Variants in ASB18 observed in about 807,000 individuals in gnomAD.
ASB18 encodes ankyrin repeat and SOCS box containing 18, also known as ankyrin repeat and SOCS box protein 18.
ASB18 carries 33 observed loss-of-function variants against 33.4 expected under a neutral mutation model. That is an observed-to-expected ratio of 0.99 (90% CI 0.75 to 1.32). The LOEUF (loss-of-function observed/expected upper bound fraction) is 1.32, where lower values mean the gene tolerates loss of function less well. Among genes scored for constraint, ASB18 ranks in the 40% most tolerant of loss-of-function variants. ASB18 has a pLI of 0.00. For missense variants in ASB18, 694 were observed against 655.5 expected (o/e 1.06, Z -0.64); for synonymous variants, 295 against 307.6 (o/e 0.96, Z 0.43).
chr2:236,210,131 C>A (rs1250993840), intron 4 of ASB18, among the ~76,000 whole-genome samples: 5 of 152,194 alleles, frequency 3.3e-5, no homozygotes, highest in African/African-American at 1.2e-4. Flanking sequence ...ACGTGACAGG[C>A]AGCTCCACCA....
rs981293112 is a variant in ASB18 at position 236,249,909 on chromosome 2, A to G, written c.206-8507T>C. On this transcript the variant is annotated intron_variant, in intron 1 of 5. Transcript: ENST00000409749. The surrounding 1 kb of genome is among the most constrained non-coding windows in gnomAD (Gnocchi z 4.6). The stretch of plus-strand genomic sequence containing the variant: ...TATACTTTTGCAAAGAATATTTTGG[A>G]GACTTAAATAATAAGCATGATGTTT... The G allele has an allele frequency of 1.3e-5, 2 of 152,216 alleles. No homozygotes were observed. The highest frequency in any genetic ancestry group is 2.4e-5 in the African/African-American group (1 of 41,462). 9.4% of individuals were successfully genotyped at this position (152,216 alleles called of 1,614,324 possible).
chr2:236,200,885 A>C lies in ASB18; in HGVS notation c.1102-4500T>G, dbSNP rs1322857307. 1.3e-5 allele frequency among the ~76,000 whole-genome samples: 2 copies of C among 152,080 alleles called. No homozygotes were observed. Among genetic ancestry groups the C allele is most frequent in the African/African-American group, 4.8e-5 (2 of 41,392 alleles). ...GGATTTTGTTGATCAGTTCTCTTTTAAAATATTATAACCCATTAATTTTTG... is the reference window on the plus strand; with the variant it reads ...GGATTTTGTTGATCAGTTCTCTTTTCAAATATTATAACCCATTAATTTTTG... On this transcript the variant is annotated intron_variant, in intron 4 of 5. Transcript: ENST00000409749. The surrounding 1 kb of genome is among the most constrained non-coding windows in gnomAD (Gnocchi z 4.2).
At chr2:236,201,326 A>AT (rs921938859) in intron 4 of ASB18, among the ~76,000 whole-genome samples, 5 of 151,862 alleles carry the variant, frequency 3.3e-5, no homozygotes, top group African/African-American at 1.2e-4. Context: ...TAATTTAAAA[A>AT]TTTTTTTTGT....
In ASB18 at chr2:236,196,425, G is replaced by T. The variant is rs1356040084; in HGVS notation, c.1102-40C>A. 1 of 1,191,446 alleles carries T rather than the reference G, an allele frequency of 8.4e-7. No homozygotes were observed. The highest frequency in any genetic ancestry group is 1.2e-6 in the Non-Finnish European group (1 of 820,322). 73.8% of individuals were successfully genotyped at this position (1,191,446 alleles called of 1,614,324 possible). A position where few individuals can be genotyped will look rare whatever the true frequency, so the allele number is the denominator to read the frequency against. ...TGAAAGACGCAGCGTAGGCCGACTG[G>T]GTTCTGGGTCTCAGTGGGGAAAGGG... On this transcript the variant is annotated intron_variant, in intron 4 of 5. Transcript: ENST00000409749. This position sits in a 1 kb window ranked among gnomAD's most constrained non-coding sequence, Gnocchi z 5.6.
chr2:236,252,583 C>G lies in ASB18; in HGVS notation c.206-11181G>C, dbSNP rs1237176590. 6.6e-6 allele frequency among the ~76,000 whole-genome samples: 1 copy of G among 152,110 alleles called. No homozygotes were observed. The highest frequency in any genetic ancestry group is 1.5e-5 in the Non-Finnish European group (1 of 68,020). The stretch of plus-strand genomic sequence containing the variant: ...CCTCTTGATCTATTGTTGCGGGGAG[C>G]TATACCCTATGTTCTGGCCTGAGCA... On this transcript the variant is annotated intron_variant, in intron 1 of 5. Transcript: ENST00000409749. The surrounding 1 kb of genome is among the most constrained non-coding windows in gnomAD (Gnocchi z 7.9).
rs755268582 is a variant in ASB18, at chr2:236,241,325, C to T, written c.283G>A (p.Glu95Lys). ...GGAGATTTCACCTGCCATTCCATCT[C>T]ATCCTTATTGATCTCAAACACCACG... The part of the protein sequence containing the change: ...ANVVFEINKD[E>K]MEWQVKSPAT... Residue 95 changes from glutamate (E) to lysine (K), a missense_variant, in exon 2 of 6, where the codon GAG (glutamate) becomes AAG (lysine). Transcript: ENST00000409749. This position sits in a 1 kb window ranked among gnomAD's most constrained non-coding sequence, Gnocchi z 4.2. 1.1e-5 allele frequency: 17 copies of T among 1,613,734 alleles called. No homozygotes were observed. The highest frequency in any genetic ancestry group is 3.3e-4 in the Middle Eastern group (2 of 6,084).
rs2060668844 is a variant in ASB18 at position 236,251,477 on chromosome 2, C to T, written c.206-10075G>A. On this transcript the variant is annotated intron_variant, in intron 1 of 5. Transcript: ENST00000409749. The surrounding 1 kb of genome is among the most constrained non-coding windows in gnomAD (Gnocchi z 5.3). ...GACTGATTGTTTTTTATGAATCTCACACAGGGAGCAAAATACTTCTCTCTT... is the reference window on the plus strand; with the variant it reads ...GACTGATTGTTTTTTATGAATCTCATACAGGGAGCAAAATACTTCTCTCTT... Among the ~76,000 whole-genome samples, 1 of 152,216 alleles carries T rather than the reference C, an allele frequency of 6.6e-6. No individual in the cohort carries two copies. Among genetic ancestry groups the T allele is most frequent in the African/African-American group, 2.4e-5 (1 of 41,450 alleles).
rs1017325380 is a variant in ASB18 at position 236,252,642 on chromosome 2, G to A, written c.206-11240C>T. Among the ~76,000 whole-genome samples the A allele has an allele frequency of 1.3e-5, 2 of 152,152 alleles. No individual in the cohort carries two copies. Among genetic ancestry groups the A allele is most frequent in the African/African-American group, 2.4e-5 (1 of 41,428 alleles). ...GTGTCACTAGCCACCATGCTATGGCGCATGGGACACAGGTGCAGTCAGGAA... is the reference window on the plus strand; with the variant it reads ...GTGTCACTAGCCACCATGCTATGGCACATGGGACACAGGTGCAGTCAGGAA... On this transcript the variant is annotated intron_variant, in intron 1 of 5. Coordinates refer to ENST00000409749, the MANE Select transcript of ASB18 (RefSeq NM_212556.4). The surrounding 1 kb of genome is among the most constrained non-coding windows in gnomAD (Gnocchi z 7.9).
rs148410450 is a variant in ASB18 at position 236,245,938 on chromosome 2, C to T, written c.206-4536G>A. ...TCACCCTTAGGGAAGAACACCATAA[C>T]GTGGACGCTCGGCTGGCCTAGGGCA... On this transcript the variant is annotated intron_variant, in intron 1 of 5. Coordinates refer to ENST00000409749, the MANE Select transcript of ASB18 (RefSeq NM_212556.4). The surrounding 1 kb of genome is among the most constrained non-coding windows in gnomAD (Gnocchi z 4.7). Among the ~76,000 whole-genome samples, 58 of 152,250 alleles carry T rather than the reference C, an allele frequency of 3.8e-4. 1 individual carries two copies. Among genetic ancestry groups the T allele is most frequent in the African/African-American group, 1.1e-3 (45 of 41,552 alleles).
At position 236,220,568 on chromosome 2, in the gene ASB18, T is replaced by A. The variant is rs1256705090; in HGVS notation, c.597-5702A>T. On this transcript the variant is annotated intron_variant, in intron 3 of 5. Transcript: ENST00000409749. This position sits in a 1 kb window ranked among gnomAD's most constrained non-coding sequence, Gnocchi z 5.1. Reference sequence around the variant, plus strand: ...AGTACTTGGCCTTTTTTTTTTTTTTTAAACAACTATTTATCTTTAGTCCCT... The same window carrying A: ...AGTACTTGGCCTTTTTTTTTTTTTTAAAACAACTATTTATCTTTAGTCCCT... Among the ~76,000 whole-genome samples, 1 of 143,490 alleles carries A rather than the reference T, an allele frequency of 7.0e-6. No individual in the cohort carries two copies. The highest frequency in any genetic ancestry group is 2.2e-4 in the South Asian group (1 of 4,636). The allele number at this position is 143,490 out of a possible 152,430, so 94.1% of individuals were successfully genotyped here. A position where few individuals can be genotyped will look rare whatever the true frequency, so the allele number is the denominator to read the frequency against.
rs1559334318 is a variant in ASB18, at chr2:236,234,416, ACAT to A, written c.596+3270_596+3272del. ...ATGGGGTATTCTTCAATTTGTGTTG[ACAT>A]CATCCAGCCCCTTTTGTCTAGGTGT... is the stretch of plus-strand genomic sequence containing the variant. On this transcript the variant is annotated intron_variant, in intron 3 of 5. Coordinates refer to ENST00000409749, the MANE Select transcript of ASB18 (RefSeq NM_212556.4). This position sits in a 1 kb window ranked among gnomAD's most constrained non-coding sequence, Gnocchi z 4.1. 6.6e-6 allele frequency among the ~76,000 whole-genome samples: 1 copy of A among 152,120 alleles called. No homozygotes were observed. Among genetic ancestry groups the A allele is most frequent in the East Asian group, 1.9e-4 (1 of 5,188 alleles).
rs144206102 is a variant in ASB18, at chr2:236,241,447, C to G, written c.206-45G>C. On this transcript the variant is annotated intron_variant, in intron 1 of 5. Transcript: ENST00000409749. This position sits in a 1 kb window ranked among gnomAD's most constrained non-coding sequence, Gnocchi z 4.2. Reference sequence around the variant, plus strand: ...GTACTCCTGCACCGGGGACCCTGCTCTAGCTTGAGGATCCTTCTCTGTCTT... The same window carrying G: ...GTACTCCTGCACCGGGGACCCTGCTGTAGCTTGAGGATCCTTCTCTGTCTT... The G allele has an allele frequency of 2.6e-4, 425 of 1,612,496 alleles. No individual in the cohort carries two copies. The African/African-American group carries it at 4.8e-3, about 18-fold the overall frequency.
chr2:236,208,774 T>C lies in ASB18; in HGVS notation c.1101+5588A>G, dbSNP rs547900950. Among the ~76,000 whole-genome samples the C allele has an allele frequency of 7.4e-4, 112 of 152,332 alleles. No homozygotes were observed. Among genetic ancestry groups the C allele is most frequent in the African/African-American group, 2.3e-3 (95 of 41,578 alleles). On this transcript the variant is annotated intron_variant, in intron 4 of 5. Coordinates refer to ENST00000409749, the MANE Select transcript of ASB18 (RefSeq NM_212556.4). The surrounding 1 kb of genome is among the most constrained non-coding windows in gnomAD (Gnocchi z 7.7). The stretch of plus-strand genomic sequence containing the variant: ...CATGTTTGCCAGGCAGCTGGCTGCC[T>C]TCATTATTTTTACGCCAACACAGTT...
chr2:236,195,860 G>A lies in ASB18; in HGVS notation c.1215+412C>T, dbSNP rs745938798. On this transcript the variant is annotated intron_variant, in intron 5 of 5. Coordinates refer to ENST00000409749, the MANE Select transcript of ASB18 (RefSeq NM_212556.4). This position sits in a 1 kb window ranked among gnomAD's most constrained non-coding sequence, Gnocchi z 5.5. ...TGGACAGTCACCTGTGGACTTTGTC[G>A]TGGATAGATGTAATCCCCATAGCTT... Among the ~76,000 whole-genome samples, 1 of 152,102 alleles carries A rather than the reference G, an allele frequency of 6.6e-6. No individual in the cohort carries two copies. The highest frequency in any genetic ancestry group is 2.1e-4 in the South Asian group (1 of 4,820).
Position 236,212,044 on chromosome 2 carries a change from C to G in ASB18, c.1101+2318G>C, listed in dbSNP as rs531376232. 3.9e-4 allele frequency among the ~76,000 whole-genome samples: 59 copies of G among 152,260 alleles called. 1 individual carries two copies. Among genetic ancestry groups the G allele is most frequent in the Admixed American group, 2.8e-3 (43 of 15,310 alleles). The stretch of plus-strand genomic sequence containing the variant: ...CCATGTTCAGGGAGGCAGCGGTGGG[C>G]AACGCTTTTTGCAAAAGCCTCAAGG... On this transcript the variant is annotated intron_variant, in intron 4 of 5. Transcript: ENST00000409749.
Position 236,214,379 on chromosome 2 carries a change from G to A in ASB18, c.1084C>T (p.Pro362Ser). Residue 362 changes from proline (P) to serine (S), a missense_variant, in exon 4 of 6, where the codon CCC becomes TCC. Pro to Ser is a moderately conservative substitution (Grantham distance 74). Coordinates refer to ENST00000409749, the MANE Select transcript of ASB18 (RefSeq NM_212556.4). This position sits in a 1 kb window ranked among gnomAD's most constrained non-coding sequence, Gnocchi z 6.5. ...TGCCTTACCTTGGGGAAGGCGTCGG[G>A]CCACACGGTGGGAGAGCCGTGGTTG... ...LLNHGSPTVW[P>S]DAFPKVLKTC... 1 of 1,576,910 alleles carries A rather than the reference G, an allele frequency of 6.3e-7. No individual in the cohort carries two copies. Among genetic ancestry groups the A allele is most frequent in the Non-Finnish European group, 8.6e-7 (1 of 1,166,046 alleles).
At position 236,260,894 on chromosome 2, in the gene ASB18, G is replaced by A. The variant is rs1235862116; in HGVS notation, c.205+3247C>T. On this transcript the variant is annotated intron_variant, in intron 1 of 5. Coordinates refer to ENST00000409749, the MANE Select transcript of ASB18 (RefSeq NM_212556.4). The surrounding 1 kb of genome is among the most constrained non-coding windows in gnomAD (Gnocchi z 5.1). The stretch of plus-strand genomic sequence containing the variant: ...GTTCCCAAGCTCATCCCACCATGGA[G>A]CTCTTCTCAGGAAGCTTGTGGGTCT... Among the ~76,000 whole-genome samples the A allele has an allele frequency of 6.6e-6, 1 of 152,176 alleles. No homozygotes were observed. Among genetic ancestry groups the A allele is most frequent in the Non-Finnish European group, 1.5e-5 (1 of 68,034 alleles).
At chr2:236,201,578 A>G (rs2060402749) in intron 4 of ASB18, among the ~76,000 whole-genome samples, 1 of 152,128 alleles carries the variant, frequency 6.6e-6, no homozygotes, top group Non-Finnish European at 1.5e-5. Context: ...ATTTTCTGGT[A>G]TATTGCAATA....
At position 236,214,541 on chromosome 2, in the gene ASB18, G is replaced by C. The variant is rs2060476085; in HGVS notation, c.922C>G (p.Leu308Val). 7.1e-7 allele frequency: 1 copy of C among 1,411,676 alleles called. No individual in the cohort carries two copies. The highest frequency in any genetic ancestry group is 1.5e-5 in the African/African-American group (1 of 65,576). The allele number at this position is 1,411,676 out of a possible 1,614,324, so 87.4% of individuals were successfully genotyped here. A position where few individuals can be genotyped will look rare whatever the true frequency, so the allele number is the denominator to read the frequency against. The change falls in exon 4 of 6, where the codon CTG (leucine) becomes GTG (valine). Residue 308 changes from leucine to valine, a missense_variant. By Grantham distance (32) the Leu-to-Val change is conservative. Transcript: ENST00000409749. This position sits in a 1 kb window ranked among gnomAD's most constrained non-coding sequence, Gnocchi z 6.5. ...CCGTGCCGCAGTAGGAGGCGCGCCA[G>C]GCTGTGGCTCGCGTGGCCGCAGGCT... Reference protein sequence around the residue: ...HKACGHASHSLARLLLRHGAD... With the variant: ...HKACGHASHSVARLLLRHGAD...
Sources: gnomAD v4.1 joint callset for allele counts (sites outside exome capture counted in the v4.1 genomes callset) on GRCh38, gnomAD v4.1.1 for gene constraint, Gnocchi (gnomAD v3.1) non-coding constraint, MANE v1.5 for transcripts, NCBI Gene and HGNC (gene_info 2026-07-23, HGNC 2026-07-21) for gene names.